CTDSPL2: variants seen among roughly 807,000 people sequenced by gnomAD.
CTDSPL2 encodes the protein CTD small phosphatase-like protein 2.
CTDSPL2 carries 5 observed loss-of-function variants against 60.0 expected under a neutral mutation model. The ratio of observed to expected loss-of-function variants is 0.08; its 90% CI spans 0.04 to 0.18. The LOEUF (loss-of-function observed/expected upper bound fraction) is 0.18. Ranked by LOEUF, CTDSPL2 falls within the 10% of genes least tolerant of loss-of-function variation. The probability of loss-of-function intolerance (pLI) is 1.00; values close to 1 mark genes in which losing one functional copy is unlikely to be tolerated. For missense variants in CTDSPL2, 370 were observed against 548.8 expected (o/e 0.67, Z 3.26); for synonymous variants, 186 against 189.3 (o/e 0.98, Z 0.14).
chr15:44,451,167 A>G (rs935186639), intron 1 of CTDSPL2, among the ~76,000 whole-genome samples: 4 of 152,048 alleles, frequency 2.6e-5, no homozygotes, highest in Non-Finnish European at 5.9e-5. Context: ...GTGGTGTGCT[A>G]TGGCTCACTG....
At chr15:44,461,098 A>T (rs1278576264) in intron 2 of CTDSPL2, among the ~76,000 whole-genome samples, 1 of 152,316 alleles carries the variant, frequency 6.6e-6, no homozygotes, top group Non-Finnish European at 1.5e-5. Context: ...TCCTTATATG[A>T]CATATGATAT....
chr15:44,510,754 T>G (rs1220301419), intron 8 of CTDSPL2, among the ~76,000 whole-genome samples: 4 of 152,216 alleles, frequency 2.6e-5, no homozygotes, highest in African/African-American at 9.6e-5. Flanking sequence ...TAGAATAGAT[T>G]TTGAAGCATT....
At chr15:44,453,476 C>G (rs376732844) in intron 1 of CTDSPL2, among the ~76,000 whole-genome samples, 2 of 151,962 alleles carry the variant, frequency 1.3e-5, no homozygotes, top group East Asian at 3.8e-4. Flanking sequence ...GCACAACGTG[C>G]AGGCTTGCTA....
intron 8 of CTDSPL2, among the ~76,000 whole-genome samples, chr15:44,503,261 CAT>C (rs1290050264): frequency 8.6e-5 from 13 of 151,860 alleles, no homozygotes; most frequent in South Asian, 2.1e-4. Flanking sequence ...ATTAAGAAAA[CAT>C]GTATTCATAA....
At position 44,528,831 on chromosome 15, in the gene CTDSPL2, G is replaced by A. The variant is rs900023745; in HGVS notation, c.*4657G>A. ...CAGTGTCCTTTTGGCATTAAGGTAGGGGGGAGTTAATATTCTCTCTGCCTT... is the reference window on the plus strand; with the variant it reads ...CAGTGTCCTTTTGGCATTAAGGTAGAGGGGAGTTAATATTCTCTCTGCCTT... On this transcript the variant is annotated 3_prime_UTR_variant, in exon 13 of 13. Coordinates refer to ENST00000260327, the MANE Select transcript of CTDSPL2 (RefSeq NM_016396.3). The A allele has an allele frequency of 6.6e-6, 1 of 152,084 alleles. No individual in the cohort carries two copies. The highest frequency in any genetic ancestry group is 2.4e-5 in the African/African-American group (1 of 41,400). The allele number at this position is 152,084 out of a possible 1,614,324, so 9.4% of individuals were successfully genotyped here. A position where few individuals can be genotyped will look rare whatever the true frequency, so the allele number is the denominator to read the frequency against.
At chr15:44,471,616 A>G (rs2080811831) in intron 2 of CTDSPL2, among the ~76,000 whole-genome samples, 1 of 152,202 alleles carries the variant, frequency 6.6e-6, no homozygotes, top group Non-Finnish European at 1.5e-5. Context: ...ATAGTTAAGT[A>G]TAGGCACAGC....
At chr15:44,477,565 G>A (rs1460294867) in intron 2 of CTDSPL2, among the ~76,000 whole-genome samples, 1 of 148,430 alleles carries the variant, frequency 6.7e-6, no homozygotes, top group East Asian at 2.0e-4. Context: ...TGCCAGGCAC[G>A]GTGGCTCATG....
chr15:44,439,916 T>G (rs2080050809), intron 1 of CTDSPL2, among the ~76,000 whole-genome samples: 1 of 152,210 alleles, frequency 6.6e-6, no homozygotes. Flanking sequence ...ATAAAATGAG[T>G]TGGGAAGTGT....
At chr15:44,521,855 G>A (rs1246791915) in intron 12 of CTDSPL2, among the ~76,000 whole-genome samples, 1 of 141,340 alleles carries the variant, frequency 7.1e-6, no homozygotes, top group African/African-American at 2.6e-5. Flanking sequence ...GGGGAATGGC[G>A]TGAACCCGGG....
intron 2 of CTDSPL2, among the ~76,000 whole-genome samples, chr15:44,473,780 G>A (rs767508789): frequency 2.6e-5 from 4 of 152,102 alleles, no homozygotes; most frequent in African/African-American, 9.7e-5. Flanking sequence ...CTATTTCACC[G>A]TCTAACATTC....
intron 1 of CTDSPL2, among the ~76,000 whole-genome samples, chr15:44,449,634 G>C (rs1248677637): frequency 6.6e-6 from 1 of 152,044 alleles, no homozygotes; most frequent in Non-Finnish European, 1.5e-5. Flanking sequence ...CCTGGCCTCA[G>C]TTCAGTATAA....
intron 3 of CTDSPL2, among the ~76,000 whole-genome samples, 188 bp from the exon 4 acceptor site, chr15:44,486,363 A>C (rs1438578544): frequency 6.6e-6 from 1 of 152,236 alleles, no homozygotes; most frequent in African/African-American, 2.4e-5. Flanking sequence ...TTGATACATA[A>C]AGAGCATTTG....
chr15:44,472,724 C>T (rs548139341), intron 2 of CTDSPL2, among the ~76,000 whole-genome samples: 17 of 152,220 alleles, frequency 1.1e-4, no homozygotes, highest in African/African-American at 4.1e-4. Context: ...AGTGCAGTGG[C>T]GCAGTCTCCA....
intron 10 of CTDSPL2, among the ~76,000 whole-genome samples, chr15:44,518,282 A>G (rs1452937972): frequency 6.6e-6 from 1 of 152,206 alleles, no homozygotes; most frequent in Non-Finnish European, 1.5e-5. Flanking sequence ...GTAGAAAAAA[A>G]TTATATGAAA....
chr15:44,509,780 G>A (rs1025293669), intron 8 of CTDSPL2, among the ~76,000 whole-genome samples: 1 of 151,808 alleles, frequency 6.6e-6, no homozygotes, highest in Admixed American at 6.6e-5. Context: ...ACAAAAATTA[G>A]CCGGTTGTGG....
intron 2 of CTDSPL2, among the ~76,000 whole-genome samples, chr15:44,481,154 A>G (rs1567084576): frequency 6.6e-6 from 1 of 152,200 alleles, no homozygotes; most frequent in Non-Finnish European, 1.5e-5. Flanking sequence ...TGGACAACAT[A>G]GCAAGACCCT....
intron 1 of CTDSPL2, among the ~76,000 whole-genome samples, chr15:44,456,785 C>G (rs2080452378): frequency 7.3e-6 from 1 of 136,766 alleles, no homozygotes; most frequent in Non-Finnish European, 1.6e-5. Flanking sequence ...CTTCTGCTAG[C>G]TTTTGAATTT....
At chr15:44,496,226 G>A (rs3986143) in intron 5 of CTDSPL2, among the ~76,000 whole-genome samples, 154 bp from the exon 6 acceptor site, 7,778 of 152,130 alleles carry the variant, frequency 0.051, 356 homozygotes, top group East Asian at 0.23. Context: ...AGTTAGATCT[G>A]TATGTTAATA....
intron 10 of CTDSPL2, among the ~76,000 whole-genome samples, chr15:44,517,684 C>G (rs1215799705): frequency 1.3e-5 from 2 of 152,170 alleles, no homozygotes; most frequent in Non-Finnish European, 2.9e-5. Flanking sequence ...ATTAAAATAA[C>G]TGTAGTATCC....
Sources: gnomAD v4.1 joint callset for allele counts (sites outside exome capture counted in the v4.1 genomes callset) on GRCh38, gnomAD v4.1.1 for gene constraint, MANE v1.5 for transcripts, NCBI Gene and HGNC (gene_info 2026-07-23, HGNC 2026-07-21) for gene names.